Variants in FYTTD1 observed in about 807,000 individuals in gnomAD.
The protein encoded by FYTTD1 is forty-two-three domain containing 1.
A neutral mutation model predicts 40.9 loss-of-function variants in FYTTD1; 22 were observed. The ratio of observed to expected loss-of-function variants is 0.54; its 90% CI spans 0.38 to 0.77. The LOEUF (loss-of-function observed/expected upper bound fraction) is 0.77, where lower values mean the gene tolerates loss of function less well. Ranked by LOEUF, FYTTD1 falls within the 30% of genes least tolerant of loss-of-function variation. FYTTD1 has a pLI of 0.00. For synonymous variants in FYTTD1, 140 were observed against 137.9 expected (o/e 1.01, Z -0.10); for missense variants, 351 against 392.2 (o/e 0.90, Z 0.89).
chr3:197,757,317 A>T (rs569623291), intron 2 of FYTTD1, among the ~76,000 whole-genome samples: 16 of 152,384 alleles, frequency 1.0e-4, no homozygotes, highest in African/African-American at 2.6e-4. Flanking sequence ...ATTTTAGAAT[A>T]AATATTTGTT....
intron 1 of FYTTD1, chr3:197,750,330 G>T: frequency 8.8e-7 from 1 of 1,138,350 alleles, no homozygotes; most frequent in Non-Finnish European, 1.1e-6. Context: ...GGGGGCAGGG[G>T]CGCTGCGGGC....
rs1730139182 is a variant in FYTTD1, at chr3:197,785,772, G to A, written c.*3863G>A. 1 of 152,024 alleles carries A rather than the reference G, an allele frequency of 6.6e-6. No homozygotes were observed. The highest frequency in any genetic ancestry group is 1.5e-5 in the Non-Finnish European group (1 of 68,012). The allele number at this position is 152,024 out of a possible 1,614,324, so 9.4% of individuals were successfully genotyped here. On this transcript the variant is annotated 3_prime_UTR_variant, in exon 9 of 9. Transcript: ENST00000241502. ...AGCACAGAAAATGAATACCATATTG[G>A]CAATATTAAAGCAGAAAATAATTCA...
intron 2 of FYTTD1, among the ~76,000 whole-genome samples, chr3:197,759,699 GTA>G (rs760551199): frequency 6.6e-6 from 1 of 150,786 alleles, no homozygotes; most frequent in Non-Finnish European, 1.5e-5. Flanking sequence ...GTGGTAGAAC[GTA>G]TAGAGTTGTT....
chr3:197,774,598 G>A (rs1013630603), intron 6 of FYTTD1, among the ~76,000 whole-genome samples: 2 of 150,586 alleles, frequency 1.3e-5, no homozygotes, highest in East Asian at 3.9e-4. Context: ...TCGATGACCA[G>A]TGCACACCAG....
chr3:197,768,973 C>T (rs1202829951), intron 3 of FYTTD1, among the ~76,000 whole-genome samples: 1 of 151,218 alleles, frequency 6.6e-6, no homozygotes, highest in East Asian at 2.0e-4. Flanking sequence ...TCATGTTGGC[C>T]AGGCTGGTCT....
intron 2 of FYTTD1, among the ~76,000 whole-genome samples, chr3:197,762,578 G>T (rs541162223): frequency 3.4e-5 from 5 of 148,110 alleles, no homozygotes; most frequent in South Asian, 2.1e-4. Context: ...GACAGAGCGA[G>T]ACTCTGTCTC....
In FYTTD1 at chr3:197,753,961, C is replaced by CG. The variant is rs1380281280; in HGVS notation, c.104-2464dup. 2.6e-5 allele frequency among the ~76,000 whole-genome samples: 4 copies of CG among 152,130 alleles called. No individual in the cohort carries two copies. The East Asian group carries it at 7.7e-4, about 29-fold the overall frequency. On this transcript the variant is annotated intron_variant, in intron 1 of 8. Transcript: ENST00000241502. ...TTCACCATATTAGCCAGGATGGTCT[C>CG]GATCTCCTGACCTCATGATCCGCCC...
intron 4 of FYTTD1, among the ~76,000 whole-genome samples, chr3:197,771,054 C>A (rs1008205473): frequency 2.6e-5 from 4 of 152,068 alleles, no homozygotes; most frequent in Admixed American, 2.0e-4. Context: ...ATAATAAAAA[C>A]CAAAAATTAT....
At chr3:197,759,622 GT>G (rs1396353756) in intron 2 of FYTTD1, among the ~76,000 whole-genome samples, 56 of 149,822 alleles carry the variant, frequency 3.7e-4, no homozygotes, top group African/African-American at 1.3e-3. Flanking sequence ...AACGTATAGA[GT>G]TGTTCTTCAG....
chr3:197,757,785 A>G, intron 2 of FYTTD1, among the ~76,000 whole-genome samples: 1 of 152,210 alleles, frequency 6.6e-6, no homozygotes, highest in East Asian at 1.9e-4. Flanking sequence ...TATAACTGAG[A>G]TTGGGCCCTT....
intron 4 of FYTTD1, among the ~76,000 whole-genome samples, chr3:197,772,748 A>G (rs1003456156): frequency 6.6e-6 from 1 of 152,178 alleles, no homozygotes; most frequent in African/African-American, 2.4e-5. Flanking sequence ...AGCTGGGACT[A>G]CAGGCGTGTG....
chr3:197,771,478 T>C (rs1020345501), intron 4 of FYTTD1, among the ~76,000 whole-genome samples: 1 of 152,050 alleles, frequency 6.6e-6, no homozygotes, highest in Non-Finnish European at 1.5e-5. Flanking sequence ...CCATCTCTAC[T>C]GAAAATGCAA....
Position 197,756,290 on chromosome 3 carries a change from T to A in FYTTD1, c.104-136T>A. On this transcript the variant is annotated intron_variant, in intron 1 of 8. Coordinates refer to ENST00000241502, the MANE Select transcript of FYTTD1 (RefSeq NM_032288.7). ...TGGGCTATTGTAAAATGGCTGATTCTTGTTATTATCCTCTTATGGAAGTGC... is the reference window on the plus strand; with the variant it reads ...TGGGCTATTGTAAAATGGCTGATTCATGTTATTATCCTCTTATGGAAGTGC... 1.5e-5 allele frequency: 10 copies of A among 669,674 alleles called. No individual in the cohort carries two copies. The South Asian group carries it at 1.9e-4, about 13-fold the overall frequency. 41.5% of individuals were successfully genotyped at this position (669,674 alleles called of 1,614,324 possible). A position where few individuals can be genotyped will look rare whatever the true frequency, so the allele number is the denominator to read the frequency against.
intron 4 of FYTTD1, among the ~76,000 whole-genome samples, chr3:197,771,825 G>A (rs1042242045): frequency 1.4e-4 from 21 of 148,678 alleles, no homozygotes; most frequent in Non-Finnish European, 2.7e-4. Context: ...TGTGGTGACC[G>A]GTGCATGCCA....
Position 197,775,460 on chromosome 3 carries a change from G to A in FYTTD1, c.656+1250G>A, listed in dbSNP as rs761242216. 9.6e-4 allele frequency among the ~76,000 whole-genome samples: 145 copies of A among 151,670 alleles called. 1 individual carries two copies. Among genetic ancestry groups the A allele is most frequent in the Non-Finnish European group, 1.5e-3 (102 of 68,002 alleles). On this transcript the variant is annotated intron_variant, in intron 6 of 8. Transcript: ENST00000241502. ...TCAGATACTCAAGTCCCTTTCAGTCGGCCCTCCATATCCGCGGATTGTCTC... is the reference window on the plus strand; with the variant it reads ...TCAGATACTCAAGTCCCTTTCAGTCAGCCCTCCATATCCGCGGATTGTCTC...
At chr3:197,760,656 G>C (rs1193921046) in intron 2 of FYTTD1, among the ~76,000 whole-genome samples, 2 of 151,934 alleles carry the variant, frequency 1.3e-5, no homozygotes, top group Non-Finnish European at 2.9e-5. Flanking sequence ...TTGTTCTTCA[G>C]TGGTAGAACA....
chr3:197,781,213 C>T (rs1387710710), intron 8 of FYTTD1, among the ~76,000 whole-genome samples: 2 of 151,570 alleles, frequency 1.3e-5, no homozygotes, highest in Non-Finnish European at 2.9e-5. Flanking sequence ...ACTCGGGAGG[C>T]TGAGGTGGGA....
intron 1 of FYTTD1, 31 bp downstream of exon 1, chr3:197,750,105 G>A: frequency 6.7e-7 from 1 of 1,484,408 alleles, no homozygotes; most frequent in Non-Finnish European, 9.1e-7. Flanking sequence ...GAGTTGGAGT[G>A]CGGGGGAGGG....
At chr3:197,764,099 G>A (rs540425900) in intron 2 of FYTTD1, among the ~76,000 whole-genome samples, 84 of 152,274 alleles carry the variant, frequency 5.5e-4, no homozygotes, top group African/African-American at 1.9e-3. Context: ...TTCATAAAGG[G>A]TGGTAGTTGA....
Sources: gnomAD v4.1 joint callset for allele counts (sites outside exome capture counted in the v4.1 genomes callset) on GRCh38, gnomAD v4.1.1 for gene constraint, MANE v1.5 for transcripts, NCBI Gene and HGNC (gene_info 2026-07-23, HGNC 2026-07-21) for gene names.